The following NRG2 variants were observed in gnomAD, a reference collection of about 807,000 sequenced individuals.
NRG2 encodes pro-neuregulin-2, membrane-bound isoform.
In NRG2, 27 loss-of-function variants were observed where a neutral mutation model predicts 73.9. That is an observed-to-expected ratio of 0.37 (90% CI 0.27 to 0.50). NRG2 has a LOEUF of 0.50. Among genes scored for constraint, NRG2 ranks in the 20% least tolerant of loss-of-function variants. The pLI is 0.96. For synonymous variants in NRG2, 532 were observed against 541.0 expected, an observed-to-expected ratio of 0.98 and a Z score of 0.23; for missense variants, 1,126 against 1,210.1, an observed-to-expected ratio of 0.93 and a Z score of 1.03.
chr5:140,030,391 C>T (rs747900420), intron 1 of NRG2, among the ~76,000 whole-genome samples: 1 of 152,244 alleles, frequency 6.6e-6, no homozygotes, highest in Admixed American at 6.5e-5. Flanking sequence ...TACCTCTGTA[C>T]GACAAGCTCT....
intron 5 of NRG2, 71 bp from the exon 6 acceptor site, chr5:139,855,849 C>A: frequency 8.2e-7 from 1 of 1,221,730 alleles, no homozygotes; most frequent in Non-Finnish European, 1.2e-6. Flanking sequence ...TGCAGAGACC[C>A]CTTTGCCCCC....
chr5:140,023,427 G>A (rs1409535141), intron 1 of NRG2, among the ~76,000 whole-genome samples: 1 of 152,108 alleles, frequency 6.6e-6, no homozygotes, highest in African/African-American at 2.4e-5. Flanking sequence ...TCCTAACTCT[G>A]TACTAGAAAA....
At chr5:139,866,788 C>G (rs978193530) in intron 4 of NRG2, among the ~76,000 whole-genome samples, 10 of 152,224 alleles carry the variant, frequency 6.6e-5, no homozygotes, top group Non-Finnish European at 1.0e-4. Context: ...TTCTTCTGCT[C>G]TCTGGCTGCC....
At chr5:139,906,669 G>A (rs192358619) in intron 1 of NRG2, among the ~76,000 whole-genome samples, 25 of 152,296 alleles carry the variant, frequency 1.6e-4, no homozygotes, top group Non-Finnish European at 2.5e-4. Context: ...CCCTCCTTAC[G>A]TAAAGGCTGG....
At chr5:139,860,013 G>T in intron 5 of NRG2, 1 of 1,189,310 alleles carries the variant, frequency 8.4e-7, no homozygotes, top group Non-Finnish European at 1.2e-6. Flanking sequence ...CGTTGGTCAG[G>T]ACTCCTCAGA....
At chr5:139,913,030 G>T (rs1580720608) in intron 1 of NRG2, among the ~76,000 whole-genome samples, 1 of 152,204 alleles carries the variant, frequency 6.6e-6, no homozygotes, top group Non-Finnish European at 1.5e-5. Context: ...GTCAACTACT[G>T]GTTCTCTGGA....
Position 140,008,951 on chromosome 5 carries a change from CTGAG to C in NRG2, c.700+33415_700+33418del, listed in dbSNP as rs1375194531. Among the ~76,000 whole-genome samples the C allele has an allele frequency of 1.3e-5, 2 of 152,190 alleles. No homozygotes were observed. Among genetic ancestry groups the C allele is most frequent in the Admixed American group, 6.5e-5 (1 of 15,274 alleles). ...CAACCTCCCAGGGTTGTTGCAAGGA[CTGAG>C]TGAGAGACAAAACAATTACACAGCA... On this transcript the variant is annotated intron_variant, in intron 1 of 9. Coordinates refer to ENST00000361474, the MANE Select transcript of NRG2 (RefSeq NM_004883.3). The surrounding 1 kb of genome is among the most constrained non-coding windows in gnomAD (Gnocchi z 4.2).
Position 139,852,949 on chromosome 5 carries a change from C to G in NRG2, c.1371G>C (p.Gly457=). The change falls in exon 7 of 10, where the codon GGG becomes GGC. Residue 457 remains glycine (G), a synonymous_variant. Coordinates refer to ENST00000361474, the MANE Select transcript of NRG2 (RefSeq NM_004883.3). This position sits in a 1 kb window ranked among gnomAD's most constrained non-coding sequence, Gnocchi z 4.4. ...CTGGGTCCAGCCGGGGGTGGCTGGG[C>G]CCATTGGCCAAGCTCCGGTTCTGAT... ...PAHQNRSLAN[G]PSHPRLDPEE... is the part of the protein sequence containing the mutation. The G allele has an allele frequency of 6.2e-7, 1 of 1,611,534 alleles. No individual in the cohort carries two copies. Among genetic ancestry groups the G allele is most frequent in the Non-Finnish European group, 8.5e-7 (1 of 1,179,288 alleles).
At chr5:139,963,126 TGAACAAAGA>T (rs1755210383) in intron 1 of NRG2, among the ~76,000 whole-genome samples, 1 of 152,162 alleles carries the variant, frequency 6.6e-6, no homozygotes, top group South Asian at 2.1e-4. Context: ...AGTGAATAAA[TGAACAAAGA>T]GACAAATGGT....
At chr5:139,931,952 T>C (rs562627423) in intron 1 of NRG2, among the ~76,000 whole-genome samples, 1 of 152,268 alleles carries the variant, frequency 6.6e-6, no homozygotes, top group South Asian at 2.1e-4. Flanking sequence ...TTGACAAGGG[T>C]ATGGAATGAA....
At chr5:139,984,352 A>C (rs1449818753) in intron 1 of NRG2, among the ~76,000 whole-genome samples, 3 of 152,242 alleles carry the variant, frequency 2.0e-5, no homozygotes, top group Non-Finnish European at 4.4e-5. Flanking sequence ...AATGATATAG[A>C]TAAATGGTCA....
Position 139,868,832 on chromosome 5 carries a change from G to A in NRG2, c.1112+2889C>T, listed in dbSNP as rs1253763600. Among the ~76,000 whole-genome samples, 1 of 152,028 alleles carries A rather than the reference G, an allele frequency of 6.6e-6. No homozygotes were observed. On this transcript the variant is annotated intron_variant, in intron 4 of 9. Transcript: ENST00000361474. The surrounding 1 kb of genome is among the most constrained non-coding windows in gnomAD (Gnocchi z 4.2). ...CGAGGATGAGCAGGCAGATGGAGGT[G>A]GGATGGGGAATCACCTGGACATGGG...
In NRG2 at chr5:139,868,971, C is replaced by T. The variant is rs896714777; in HGVS notation, c.1112+2750G>A. Reference sequence around the variant, plus strand: ...TTCTGTCATCATCCCCTGAACCAGTCCCCAAGAGTCACGCACCAACCGTGC... The same window carrying T: ...TTCTGTCATCATCCCCTGAACCAGTTCCCAAGAGTCACGCACCAACCGTGC... On this transcript the variant is annotated intron_variant, in intron 4 of 9. Coordinates refer to ENST00000361474, the MANE Select transcript of NRG2 (RefSeq NM_004883.3). This position sits in a 1 kb window ranked among gnomAD's most constrained non-coding sequence, Gnocchi z 4.2. Among the ~76,000 whole-genome samples, 2 of 151,936 alleles carry T rather than the reference C, an allele frequency of 1.3e-5. No individual in the cohort carries two copies. The highest frequency in any genetic ancestry group is 2.4e-5 in the African/African-American group (1 of 41,360).
chr5:140,015,902 A>C (rs1054203812), intron 1 of NRG2, among the ~76,000 whole-genome samples: 2 of 152,202 alleles, frequency 1.3e-5, no homozygotes, highest in Admixed American at 6.5e-5. Flanking sequence ...AGTAACCCAG[A>C]AACTGGAAAA....
intron 9 of NRG2, among the ~76,000 whole-genome samples, chr5:139,850,797 T>G (rs1761367838): frequency 6.6e-6 from 1 of 152,148 alleles, no homozygotes; most frequent in Non-Finnish European, 1.5e-5. Flanking sequence ...CCTGGGGTCT[T>G]GTTGCTGCTA....
chr5:139,976,038 C>T (rs1756356571), intron 1 of NRG2, among the ~76,000 whole-genome samples: 1 of 152,136 alleles, frequency 6.6e-6, no homozygotes, highest in Admixed American at 6.5e-5. Context: ...AGGTAGCTAA[C>T]CTTATACTTT....
chr5:139,960,090 T>C (rs938037618), intron 1 of NRG2, among the ~76,000 whole-genome samples: 2 of 152,202 alleles, frequency 1.3e-5, no homozygotes, highest in African/African-American at 2.4e-5. Context: ...CACACATCAA[T>C]TGCCACTAAA....
intron 1 of NRG2, among the ~76,000 whole-genome samples, chr5:139,910,631 A>C (rs398755): frequency 0.16 from 24,732 of 152,094 alleles, 2,102 homozygotes; most frequent in South Asian, 0.25. Flanking sequence ...GCAGCTCCTT[A>C]TGTTCGGAGG....
intron 1 of NRG2, among the ~76,000 whole-genome samples, chr5:140,039,872 T>C (rs1370662951): frequency 1.3e-5 from 2 of 152,200 alleles, no homozygotes; most frequent in Non-Finnish European, 2.9e-5. Flanking sequence ...AATGGGCAAA[T>C]CTGCTCCAAG....
Sources: gnomAD v4.1 joint callset for allele counts (sites outside exome capture counted in the v4.1 genomes callset) on GRCh38, gnomAD v4.1.1 for gene constraint, Gnocchi (gnomAD v3.1) non-coding constraint, MANE v1.5 for transcripts, NCBI Gene and HGNC (gene_info 2026-07-23, HGNC 2026-07-21) for gene names.